Variants in TMEM131 observed in about 807,000 individuals in gnomAD.
TMEM131 encodes transmembrane protein 131.
A neutral mutation model predicts 211.6 loss-of-function variants in TMEM131; 66 were observed. The ratio of observed to expected loss-of-function variants is 0.31; its 90% CI spans 0.26 to 0.38. The LOEUF (loss-of-function observed/expected upper bound fraction) is 0.38. TMEM131 is among the 10% of genes least tolerant of loss of function. TMEM131 has a pLI of 1.00. For missense variants in TMEM131, 2,036 were observed against 2,299.3 expected (o/e 0.89, Z 2.34); for synonymous variants, 844 against 841.3 (o/e 1.00, Z -0.06).
At position 97,775,267 on chromosome 2, in the gene TMEM131, G is replaced by A. The variant is rs181952764; in HGVS notation, c.4320+576C>T. 7.2e-5 allele frequency among the ~76,000 whole-genome samples: 11 copies of A among 152,256 alleles called. No homozygotes were observed. In the East Asian group the frequency reaches 1.5e-3, roughly 21 times the overall value. On this transcript the variant is annotated intron_variant, in intron 32 of 40. Transcript: ENST00000186436. ...CTGGGAGCCGAGGCCTCCAACGGGCGAGGCAGCTTCTTGGCGTGCTGATGT... is the reference window on the plus strand; with the variant it reads ...CTGGGAGCCGAGGCCTCCAACGGGCAAGGCAGCTTCTTGGCGTGCTGATGT...
chr2:97,871,270 A>C (rs115232648), intron 4 of TMEM131, among the ~76,000 whole-genome samples: 1 of 152,210 alleles, frequency 6.6e-6, no homozygotes, highest in African/African-American at 2.4e-5. Flanking sequence ...AGTTGACGCC[A>C]TCTTGCTTCT....
chr2:97,993,577 A>G (rs1241855912), intron 1 of TMEM131, among the ~76,000 whole-genome samples: 2 of 152,220 alleles, frequency 1.3e-5, no homozygotes, highest in Non-Finnish European at 2.9e-5. Flanking sequence ...ATCTCCATTA[A>G]TATCTTGGAT....
At chr2:97,760,995 G>A in intron 36 of TMEM131, 81 bp from the exon 37 acceptor site, 2 of 1,566,724 alleles carry the variant, frequency 1.3e-6, no homozygotes, top group Admixed American at 1.8e-5. Context: ...GCAGGACTGA[G>A]CCCTGAGTGG....
At position 97,796,258 on chromosome 2, in the gene TMEM131, A is replaced by C; in HGVS notation, c.3160T>G (p.Phe1054Val). ...CTAGAAGCATTGGCACTTAGAGTAA[A>C]CTCTTGACAATTAACAACTTTAAAG... ...YGFKVVNCQEFTLSANASRDI... is the reference protein window; with the variant it reads ...YGFKVVNCQEVTLSANASRDI... Residue 1054 changes from phenylalanine (F) to valine (V), a missense_variant, in exon 28 of 41, where the codon TTT becomes GTT. By Grantham distance (50) the Phe-to-Val change is conservative. This residue lies in a region of TMEM131 where 1,623 missense variants were observed against 1,805.9 expected (regional missense o/e 0.90). Coordinates refer to ENST00000186436, the MANE Select transcript of TMEM131 (RefSeq NM_015348.2). The C allele has an allele frequency of 6.4e-7, 1 of 1,570,360 alleles. No homozygotes were observed. The highest frequency in any genetic ancestry group is 8.6e-7 in the Non-Finnish European group (1 of 1,156,144).
chr2:97,880,818 C>G (rs572291013), intron 4 of TMEM131, among the ~76,000 whole-genome samples: 1 of 152,186 alleles, frequency 6.6e-6, no homozygotes, highest in Non-Finnish European at 1.5e-5. Flanking sequence ...CAGCCGCACA[C>G]AACCACAATT....
chr2:97,819,803 G>A (rs1682023036), intron 11 of TMEM131, among the ~76,000 whole-genome samples: 2 of 152,204 alleles, frequency 1.3e-5, no homozygotes, highest in Non-Finnish European at 2.9e-5. Context: ...CTTAACAGGA[G>A]CACAGTCAGA....
intron 2 of TMEM131, among the ~76,000 whole-genome samples, chr2:97,918,988 C>A (rs1676627217): frequency 6.6e-6 from 1 of 152,158 alleles, no homozygotes; most frequent in Non-Finnish European, 1.5e-5. Context: ...TGGCTGTCAG[C>A]TGGGAGCTCA....
At chr2:97,780,354 C>A (rs1263173302) in intron 31 of TMEM131, among the ~76,000 whole-genome samples, 3 of 152,160 alleles carry the variant, frequency 2.0e-5, no homozygotes, top group Non-Finnish European at 4.4e-5. Flanking sequence ...ACCTCCACTG[C>A]CACTCCCTGA....
intron 1 of TMEM131, among the ~76,000 whole-genome samples, chr2:97,938,647 G>A (rs1211559796): frequency 6.6e-6 from 1 of 152,122 alleles, no homozygotes; most frequent in African/African-American, 2.4e-5. Flanking sequence ...AGGATATCCA[G>A]GAATTGAACT....
chr2:97,787,885 TAC>T (rs1680325178), intron 31 of TMEM131, among the ~76,000 whole-genome samples: 2 of 152,130 alleles, frequency 1.3e-5, no homozygotes, highest in African/African-American at 2.4e-5. Flanking sequence ...TCTGAAACCT[TAC>T]ACTCACACCT....
intron 1 of TMEM131, among the ~76,000 whole-genome samples, chr2:97,992,060 A>C (rs1335343615): frequency 6.6e-6 from 1 of 152,234 alleles, no homozygotes; most frequent in East Asian, 1.9e-4. Flanking sequence ...TTAGTGAAGC[A>C]CTTATTAAAT....
Position 97,955,967 on chromosome 2 carries a change from C to T in TMEM131, c.188-28480G>A, listed in dbSNP as rs140870669. Among the ~76,000 whole-genome samples the T allele has an allele frequency of 1.5e-3, 227 of 152,310 alleles. 3 individuals are homozygous for T. The South Asian group carries it at 0.019, about 13-fold the overall frequency. On this transcript the variant is annotated intron_variant, in intron 1 of 40. Coordinates refer to ENST00000186436, the MANE Select transcript of TMEM131 (RefSeq NM_015348.2). Reference sequence around the variant, plus strand: ...CAATATCTCAGCAACATATTTCATACACACAAACTAGCTTATTCTAAAATT... The same window carrying T: ...CAATATCTCAGCAACATATTTCATATACACAAACTAGCTTATTCTAAAATT...
intron 1 of TMEM131, among the ~76,000 whole-genome samples, chr2:97,986,334 G>A (rs1680027023): frequency 6.6e-6 from 1 of 151,982 alleles, no homozygotes; most frequent in Admixed American, 6.6e-5. Context: ...GGGGAATAGG[G>A]GCAGGAAAAG....
At chr2:97,778,639 G>A (rs1307594901) in intron 31 of TMEM131, among the ~76,000 whole-genome samples, 1 of 151,934 alleles carries the variant, frequency 6.6e-6, no homozygotes. Context: ...GCAGTCCTTC[G>A]ACTTCTGTCC....
At chr2:97,797,136 G>A in intron 26 of TMEM131, 150 bp from the exon 27 acceptor site, 1 of 980,782 alleles carries the variant, frequency 1.0e-6, no homozygotes, top group Non-Finnish European at 1.5e-6. Context: ...AATACACAGA[G>A]AAGAGCAAGT....
intron 31 of TMEM131, among the ~76,000 whole-genome samples, chr2:97,789,140 A>C (rs1169004058): frequency 6.6e-6 from 1 of 152,200 alleles, no homozygotes. Flanking sequence ...TTCCAAGGTC[A>C]CAAATAATGT....
intron 12 of TMEM131, among the ~76,000 whole-genome samples, chr2:97,816,298 G>A (rs1191056930): frequency 6.6e-6 from 1 of 152,082 alleles, no homozygotes; most frequent in Admixed American, 6.6e-5. Flanking sequence ...CCGAGATTGC[G>A]CCATTGCACT....
At chr2:97,958,864 C>G (rs1202664559) in intron 1 of TMEM131, among the ~76,000 whole-genome samples, 1 of 152,228 alleles carries the variant, frequency 6.6e-6, no homozygotes, top group Non-Finnish European at 1.5e-5. Context: ...TGGTAGAGGG[C>G]TGAGCTCTGC....
Position 97,809,734 on chromosome 2 carries a change from G to A in TMEM131, c.2009C>T (p.Ser670Leu), listed in dbSNP as rs1256782932. Residue 670 changes from serine (S) to leucine (L), a missense_variant, in exon 19 of 41, where the codon TCA (serine) becomes TTA (leucine). Ser to Leu is a moderately radical substitution (Grantham distance 145). Coordinates refer to ENST00000186436, the MANE Select transcript of TMEM131 (RefSeq NM_015348.2). ...IPVKAVIAVGSLTCFPKHVVL... is the reference protein window; with the variant it reads ...IPVKAVIAVGLLTCFPKHVVL... ...CACGTGCTTAGGGAAGCAGGTCAGT[G>A]AGCCTACTGCAATCACAGCCTTCAC... 1.2e-6 allele frequency: 2 copies of A among 1,609,912 alleles called. No homozygotes were observed. Among genetic ancestry groups the A allele is most frequent in the African/African-American group, 1.3e-5 (1 of 74,898 alleles).
Sources: allele counts gnomAD v4.1 joint callset (sites outside exome capture counted in the v4.1 genomes callset), GRCh38; gene constraint gnomAD v4.1.1; regional missense constraint gnomAD v4.1.1; transcripts MANE v1.5; gene names NCBI Gene and HGNC (gene_info 2026-07-23, HGNC 2026-07-21).